EPHA6: variants seen among roughly 807,000 people sequenced by gnomAD.
EPHA6 encodes the protein EPH receptor A6.
Under a neutral mutation model 112.0 loss-of-function variants are expected in EPHA6, and 50 were observed. That is an observed-to-expected ratio of 0.45 (90% confidence interval 0.36 to 0.56). EPHA6 has a LOEUF of 0.56. EPHA6 is among the 20% of genes least tolerant of loss of function. EPHA6 has a pLI of 0.00. For missense variants in EPHA6, 1,280 were observed against 1,417.4 expected (o/e 0.90, Z 1.56); for synonymous variants, 529 against 490.7 (o/e 1.08, Z -1.03).
At chr3:96,953,101 A>G (rs997111150) in intron 2 of EPHA6, among the ~76,000 whole-genome samples, 2 of 152,190 alleles carry the variant, frequency 1.3e-5, no homozygotes, top group Non-Finnish European at 2.9e-5. Context: ...TGGGTTTTTT[A>G]TAGCCTATGT....
At chr3:97,132,868 C>G (rs1385742215) in intron 3 of EPHA6, among the ~76,000 whole-genome samples, 1 of 151,926 alleles carries the variant, frequency 6.6e-6, no homozygotes, top group Non-Finnish European at 1.5e-5. Flanking sequence ...CAGGGCTAAG[C>G]TTGCTACTAA....
At chr3:97,624,091 T>C (rs2093835326) in intron 13 of EPHA6, among the ~76,000 whole-genome samples, 1 of 151,744 alleles carries the variant, frequency 6.6e-6, no homozygotes, top group Non-Finnish European at 1.5e-5. Flanking sequence ...GTTGTGAAAG[T>C]GCCATCCTGG....
intron 7 of EPHA6, chr3:97,466,334 A>C (rs1043525183): frequency 3.1e-5 from 50 of 1,594,526 alleles, no homozygotes; most frequent in Non-Finnish European, 4.1e-5. Context: ...CCTAGTTTGG[A>C]TATATAAAGT....
At chr3:96,846,832 T>G (rs2035102644) in intron 1 of EPHA6, among the ~76,000 whole-genome samples, 1 of 152,114 alleles carries the variant, frequency 6.6e-6, no homozygotes, top group Non-Finnish European at 1.5e-5. Context: ...TTATTGTTCC[T>G]TACCATTACT....
intron 1 of EPHA6, among the ~76,000 whole-genome samples, chr3:96,853,381 G>A (rs2035510582): frequency 6.6e-6 from 1 of 151,914 alleles, no homozygotes; most frequent in Non-Finnish European, 1.5e-5. Flanking sequence ...CTTCAAAGAT[G>A]TTATAGCCAC....
intron 3 of EPHA6, among the ~76,000 whole-genome samples, chr3:97,057,686 A>T (rs553592451): frequency 2.0e-5 from 3 of 152,352 alleles, no homozygotes; most frequent in African/African-American, 4.8e-5. Context: ...TATTTTTGAT[A>T]GAAAGGATAT....
intron 2 of EPHA6, among the ~76,000 whole-genome samples, chr3:96,879,055 AT>A (rs2037145912): frequency 3.3e-5 from 5 of 152,050 alleles, no homozygotes; most frequent in Admixed American, 3.3e-4. Context: ...ATTCTGCCTA[AT>A]TTAATTGAAA....
At chr3:97,640,838 G>A (rs2093997084) in intron 14 of EPHA6, among the ~76,000 whole-genome samples, 1 of 152,028 alleles carries the variant, frequency 6.6e-6, no homozygotes, top group Non-Finnish European at 1.5e-5. Flanking sequence ...AGAGTTTGAA[G>A]GACAGGAGGA....
chr3:97,225,694 A>T (rs949875697), intron 3 of EPHA6, among the ~76,000 whole-genome samples: 5 of 152,170 alleles, frequency 3.3e-5, no homozygotes, highest in African/African-American at 1.2e-4. Context: ...GAATTACTAG[A>T]TCATTTATAA....
chr3:97,307,044 G>T (rs1048439444), intron 5 of EPHA6, among the ~76,000 whole-genome samples: 3 of 151,672 alleles, frequency 2.0e-5, no homozygotes, highest in Non-Finnish European at 4.4e-5. Context: ...GAGCTATGAA[G>T]TATTTGTTAT....
chr3:96,942,371 G>T (rs1385893191), intron 2 of EPHA6, among the ~76,000 whole-genome samples: 1 of 152,194 alleles, frequency 6.6e-6, no homozygotes, highest in African/African-American at 2.4e-5. Flanking sequence ...AGACTGCTGT[G>T]CTAGCAATCA....
intron 10 of EPHA6, among the ~76,000 whole-genome samples, chr3:97,496,620 GA>G (rs2091984651): frequency 6.6e-6 from 1 of 152,014 alleles, no homozygotes; most frequent in African/African-American, 2.4e-5. Context: ...TGATAATTCT[GA>G]AACCATCTTC....
At chr3:96,953,527 A>G (rs979083517) in intron 2 of EPHA6, among the ~76,000 whole-genome samples, 28 of 152,330 alleles carry the variant, frequency 1.8e-4, no homozygotes, top group African/African-American at 6.5e-4. Flanking sequence ...GCATACATTT[A>G]TAGAAGAAAC....
chr3:97,637,273 T>C (rs1212729524), intron 13 of EPHA6, among the ~76,000 whole-genome samples: 1 of 152,186 alleles, frequency 6.6e-6, no homozygotes, highest in Admixed American at 6.5e-5. Context: ...AACTTTTCTG[T>C]CTTCCCTGTA....
At chr3:97,207,503 A>C (rs1008330354) in intron 3 of EPHA6, among the ~76,000 whole-genome samples, 1 of 152,114 alleles carries the variant, frequency 6.6e-6, no homozygotes, top group Non-Finnish European at 1.5e-5. Context: ...TTGATAACGC[A>C]TTTGTCTGGT....
chr3:96,926,197 T>C (rs1037474417), intron 2 of EPHA6, among the ~76,000 whole-genome samples: 2 of 152,094 alleles, frequency 1.3e-5, no homozygotes, highest in African/African-American at 4.8e-5. Context: ...AGAGTGATTG[T>C]GTGAAAGGGG....
chr3:97,710,519 C>A (rs1009005713), intron 14 of EPHA6, among the ~76,000 whole-genome samples: 1 of 152,238 alleles, frequency 6.6e-6, no homozygotes, highest in Non-Finnish European at 1.5e-5. Context: ...GAGCTCTGCA[C>A]TAACACTTCC....
intron 6 of EPHA6, among the ~76,000 whole-genome samples, chr3:97,448,056 T>G (rs1057498725): frequency 6.6e-6 from 1 of 152,170 alleles, no homozygotes; most frequent in Non-Finnish European, 1.5e-5. Flanking sequence ...CAGCACAAAG[T>G]GAATGACTTC....
chr3:97,608,077 T>C (rs1455491130), intron 12 of EPHA6, among the ~76,000 whole-genome samples: 1 of 150,154 alleles, frequency 6.7e-6, no homozygotes, highest in African/African-American at 2.4e-5. Context: ...ACAGGCTAGA[T>C]GGAGCAATAG....
Sources: gnomAD v4.1 joint callset for allele counts (sites outside exome capture counted in the v4.1 genomes callset) on GRCh38, gnomAD v4.1.1 for gene constraint, MANE v1.5 for transcripts, NCBI Gene and HGNC (gene_info 2026-07-23, HGNC 2026-07-21) for gene names.